NFXL1: variants seen among roughly 807,000 people sequenced by gnomAD.
The protein encoded by NFXL1 is nuclear transcription factor, X-box binding like 1.
A neutral mutation model predicts 123.3 loss-of-function variants in NFXL1; 66 were observed. That is an observed-to-expected ratio of 0.54 (90% CI 0.44 to 0.66). The LOEUF (loss-of-function observed/expected upper bound fraction) is 0.66, where lower values mean the gene tolerates loss of function less well. Among genes scored for constraint, NFXL1 ranks in the 30% least tolerant of loss-of-function variants. The probability of loss-of-function intolerance (pLI) is 0.00; values close to 1 mark genes in which losing one functional copy is unlikely to be tolerated. For synonymous variants in NFXL1, 346 were observed against 360.8 expected, an observed-to-expected ratio of 0.96 and a Z score of 0.46; for missense variants, 944 against 1,125.6, an observed-to-expected ratio of 0.84 and a Z score of 2.31.
chr4:47,859,863 A>AAAAAAC (rs1734643802), intron 19 of NFXL1, among the ~76,000 whole-genome samples: 3 of 47,826 alleles, frequency 6.3e-5, no homozygotes, highest in African/African-American at 2.2e-4. Context: ...AAAAAAAAAA[A>AAAAAAC]AAAAAAACAA....
At chr4:47,848,372 T>C (rs1359582989) in intron 22 of NFXL1, 36 bp from the exon 23 acceptor site, 5 of 1,468,536 alleles carry the variant, frequency 3.4e-6, no homozygotes, top group Non-Finnish European at 4.7e-6. Flanking sequence ...TTAAATTCAA[T>C]GCATACATTG....
chr4:47,906,450 C>T (rs1578042066), intron 3 of NFXL1, among the ~76,000 whole-genome samples: 1 of 152,086 alleles, frequency 6.6e-6, no homozygotes, highest in South Asian at 2.1e-4. Flanking sequence ...ACGGCACTTA[C>T]AAAAGCTTGC....
intron 18 of NFXL1, among the ~76,000 whole-genome samples, chr4:47,863,730 G>T (rs188885862): frequency 3.9e-5 from 6 of 152,202 alleles, no homozygotes; most frequent in Admixed American, 6.5e-5. Flanking sequence ...GATCATTTTT[G>T]AACAGTCTGC....
chr4:47,882,273 CAA>C (rs1736159043), intron 15 of NFXL1: 1 of 152,094 alleles, frequency 6.6e-6, no homozygotes, highest in Non-Finnish European at 1.5e-5. Context: ...AATGAAATGT[CAA>C]AAGAGTTCTC....
In NFXL1 at chr4:47,914,113, G is replaced by A; in HGVS notation, c.91C>T (p.Arg31Cys). 3 of 1,553,418 alleles carry A rather than the reference G, an allele frequency of 1.9e-6. No homozygotes were observed. Among genetic ancestry groups the A allele is most frequent in the Non-Finnish European group, 2.6e-6 (3 of 1,148,660 alleles). The change falls in exon 2 of 23, where the codon CGC (arginine) becomes TGC (cysteine). Residue 31 changes from arginine to cysteine, a missense_variant. By Grantham distance (180) the Arg-to-Cys change is radical. Transcript: ENST00000507489. ...TTCTCTCGCCCTCCTCCGGCGCCGC[G>A]GAGATGGACTCCATTTCCTGAGGGG... ...AAPSGNGVHL[R>C]GAGGGREKGS... is the part of the protein sequence containing the mutation.
intron 14 of NFXL1, among the ~76,000 whole-genome samples, chr4:47,885,139 T>A (rs1247109992): frequency 4.7e-5 from 7 of 148,752 alleles, no homozygotes; most frequent in African/African-American, 9.9e-5. Context: ...AAAAAAAAAA[T>A]TAAATAACTA....
In NFXL1 at chr4:47,914,216, G is replaced by C. The variant is rs77518238; in HGVS notation, c.-2-11C>G. ...AGGAAGCTTCCATCCCTGCAAAGGA[G>C]AAAAAAAAAAAAAAGAGTGGAAGGA... On this transcript the variant is annotated splice_polypyrimidine_tract_variant and intron_variant, in intron 1 of 22. Coordinates refer to ENST00000507489, the MANE Select transcript of NFXL1 (RefSeq NM_001278624.2). 3.4e-6 allele frequency: 4 copies of C among 1,183,056 alleles called. No homozygotes were observed. The Admixed American group carries it at 1.2e-4, about 36-fold the overall frequency. 73.3% of individuals were successfully genotyped at this position (1,183,056 alleles called of 1,614,324 possible).
rs531719164 is a variant in NFXL1 at position 47,850,571 on chromosome 4, A to G, written c.2562+524T>C. Among the ~76,000 whole-genome samples, 185 of 152,240 alleles carry G rather than the reference A, an allele frequency of 1.2e-3. 1 individual carries two copies. The highest frequency in any genetic ancestry group is 4.1e-3 in the African/African-American group (172 of 41,576). Reference sequence around the variant, plus strand: ...CTTAAACAGGGAGTATCAGGAATGTACTTGTTCTCTAGGTAACAACAAAGA... The same window carrying G: ...CTTAAACAGGGAGTATCAGGAATGTGCTTGTTCTCTAGGTAACAACAAAGA... On this transcript the variant is annotated intron_variant, in intron 22 of 22. Transcript: ENST00000507489.
intron 5 of NFXL1, among the ~76,000 whole-genome samples, chr4:47,902,862 TAATAATCC>T (rs1291026490): frequency 6.6e-6 from 1 of 152,212 alleles, no homozygotes; most frequent in Non-Finnish European, 1.5e-5. Flanking sequence ...TTCTACAATT[TAATAATCC>T]AATTAGGCCA....
At chr4:47,909,144 C>G (rs1013017898) in intron 3 of NFXL1, among the ~76,000 whole-genome samples, 10 of 152,032 alleles carry the variant, frequency 6.6e-5, no homozygotes, top group Non-Finnish European at 1.2e-4. Flanking sequence ...CCTAACAACT[C>G]TACAGTATTT....
intron 14 of NFXL1, 127 bp downstream of exon 14, chr4:47,885,371 T>C (rs1736364609): frequency 1.3e-6 from 1 of 747,510 alleles, no homozygotes; most frequent in East Asian, 2.5e-5. Context: ...TTGATTACCT[T>C]GTACCCTGCT....
intron 14 of NFXL1, 122 bp downstream of exon 14, chr4:47,885,376 C>T (rs16860723): frequency 0.074 from 58,091 of 781,102 alleles, 4,144 homozygotes; most frequent in East Asian, 0.33. Flanking sequence ...TACCTTGTAC[C>T]CTGCTCCAAG....
intron 18 of NFXL1, among the ~76,000 whole-genome samples, chr4:47,863,810 C>T (rs1734899849): frequency 6.6e-6 from 1 of 152,188 alleles, no homozygotes; most frequent in African/African-American, 2.4e-5. Context: ...AATAAACCTA[C>T]TTTCCAACAG....
At chr4:47,908,863 G>A (rs1240138917) in intron 3 of NFXL1, among the ~76,000 whole-genome samples, 2 of 149,682 alleles carry the variant, frequency 1.3e-5, no homozygotes, top group East Asian at 2.0e-4. Context: ...GCTGAGGCAG[G>A]AGATTGGCAT....
chr4:47,894,872 T>G (rs1028124311), intron 10 of NFXL1, among the ~76,000 whole-genome samples: 1 of 152,214 alleles, frequency 6.6e-6, no homozygotes, highest in Admixed American at 6.5e-5. Flanking sequence ...GTTTTCAATT[T>G]ACATTGCCAA....
chr4:47,847,985 C>A lies in NFXL1; in HGVS notation c.*178G>T. On this transcript the variant is annotated 3_prime_UTR_variant, in exon 23 of 23. Coordinates refer to ENST00000507489, the MANE Select transcript of NFXL1 (RefSeq NM_001278624.2). ...TCACTTTAAAACAGTATTATACTGC[C>A]CTTTCTAGTATACTAATTAAGATAA... 1 of 479,166 alleles carries A rather than the reference C, an allele frequency of 2.1e-6. No individual in the cohort carries two copies. The highest frequency in any genetic ancestry group is 3.7e-6 in the Non-Finnish European group (1 of 272,570). The allele number at this position is 479,166 out of a possible 1,614,324, so 29.7% of individuals were successfully genotyped here.
chr4:47,893,152 T>C (rs954965357), intron 11 of NFXL1, among the ~76,000 whole-genome samples: 4 of 151,862 alleles, frequency 2.6e-5, no homozygotes, highest in Non-Finnish European at 5.9e-5. Flanking sequence ...GACAAAACTA[T>C]ATAAACTAAA....
rs12331188 is a variant in NFXL1, at chr4:47,871,150, A to C, written c.2246+3977T>G. Among the ~76,000 whole-genome samples the C allele has an allele frequency of 6.0e-3, 908 of 152,290 alleles. 13 individuals carry two copies. The highest frequency in any genetic ancestry group is 0.021 in the African/African-American group (878 of 41,560). ...CAGATCACGAGGTCAGGAGATCAAG[A>C]CCATCCTGGCTAACATGGTGAAACC... is the stretch of plus-strand genomic sequence containing the variant. On this transcript the variant is annotated intron_variant, in intron 18 of 22. Coordinates refer to ENST00000507489, the MANE Select transcript of NFXL1 (RefSeq NM_001278624.2).
At chr4:47,914,302 C>A (rs987812780) in intron 1 of NFXL1, 63 bp downstream of exon 1, 15 of 966,932 alleles carry the variant, frequency 1.6e-5, no homozygotes, top group Non-Finnish European at 1.9e-5. Context: ...TGTGAGGGGC[C>A]GAGTGAGGAA....
Sources: gnomAD v4.1 joint callset for allele counts (sites outside exome capture counted in the v4.1 genomes callset) on GRCh38, gnomAD v4.1.1 for gene constraint, MANE v1.5 for transcripts, NCBI Gene and HGNC (gene_info 2026-07-23, HGNC 2026-07-21) for gene names.